Variants in TRPM6 observed in about 807,000 individuals in gnomAD.
TRPM6 encodes the protein channel kinase 2.
Under a neutral mutation model 247.6 loss-of-function variants are expected in TRPM6, and 111 were observed. That is an observed-to-expected ratio of 0.45 (90% CI 0.38 to 0.52). TRPM6 has a LOEUF of 0.52. TRPM6 is among the 20% of genes least tolerant of loss of function. The pLI, the probability that TRPM6 is intolerant of heterozygous loss-of-function variation, is 0.00. For missense variants in TRPM6, 2,126 were observed against 2,421.5 expected (o/e 0.88, Z 2.56); for synonymous variants, 892 against 853.8 (o/e 1.04, Z -0.78).
chr9:74,782,829 T>C lies in TRPM6; in HGVS notation c.2944A>G (p.Ile982Val). The change falls in exon 22 of 39, where the codon ATC (isoleucine) becomes GTC (valine). Residue 982 changes from isoleucine (I) to valine (V), a missense_variant. Ile to Val is a conservative substitution (Grantham distance 29). This residue lies in a region of TRPM6 where 1,082 missense variants were observed against 1,307.9 expected (regional missense o/e 0.83). Transcript: ENST00000360774. ...KMTANMFYIV[I>V]IMAIVLLSFG... ...CTCAGCAGGACTATGGCCATGATGA[T>C]CACAATATAGAACATGTTTGCTGTC... 5 of 1,614,122 alleles carry C rather than the reference T, an allele frequency of 3.1e-6. No homozygotes were observed. The highest frequency in any genetic ancestry group is 4.2e-6 in the Non-Finnish European group (5 of 1,180,020).
At chr9:74,771,546 AT>A (rs1827041556) in intron 25 of TRPM6, among the ~76,000 whole-genome samples, 156 bp downstream of exon 25, 1 of 152,246 alleles carries the variant, frequency 6.6e-6, no homozygotes, top group Non-Finnish European at 1.5e-5. Flanking sequence ...CTTAATAAAT[AT>A]ACTTTGATTA....
rs11144084 is a variant in TRPM6, at chr9:74,789,163, A to G, written c.2539-421T>C. On this transcript the variant is annotated intron_variant, in intron 19 of 38. Coordinates refer to ENST00000360774, the MANE Select transcript of TRPM6 (RefSeq NM_017662.5). ...AGTGGCAATAGATGCTTATTTTCAAATACAATGAACTGTGGCATTTACCAC... is the reference window on the plus strand; with the variant it reads ...AGTGGCAATAGATGCTTATTTTCAAGTACAATGAACTGTGGCATTTACCAC... Among the ~76,000 whole-genome samples, 30 of 152,326 alleles carry G rather than the reference A, an allele frequency of 2.0e-4. No individual in the cohort carries two copies. The East Asian group carries it at 5.2e-3, about 26-fold the overall frequency.
At chr9:74,887,224 T>C (rs770660304) in intron 1 of TRPM6, 1 of 1,264,360 alleles carries the variant, frequency 7.9e-7, no homozygotes, top group East Asian at 3.0e-5. Context: ...GCGGGGCGGG[T>C]GTTTACCGTA....
At chr9:74,879,626 A>T (rs1831298755) in intron 1 of TRPM6, among the ~76,000 whole-genome samples, 1 of 152,046 alleles carries the variant, frequency 6.6e-6, no homozygotes, top group Non-Finnish European at 1.5e-5. Flanking sequence ...TGGGAGAAGA[A>T]ATTTTGACAT....
intron 38 of TRPM6, among the ~76,000 whole-genome samples, chr9:74,726,656 G>T (rs954590868): frequency 1.3e-5 from 2 of 152,224 alleles, no homozygotes; most frequent in African/African-American, 4.8e-5. Flanking sequence ...TGGCTCCTTA[G>T]ATGTAGTACT....
intron 23 of TRPM6, among the ~76,000 whole-genome samples, chr9:74,782,142 C>A (rs1032154132): frequency 6.6e-6 from 1 of 152,152 alleles, no homozygotes; most frequent in African/African-American, 2.4e-5. Context: ...TAGAACAAGT[C>A]CTCCACAGAT....
In TRPM6 at chr9:74,724,665, G is replaced by A; in HGVS notation, c.6017C>T (p.Pro2006Leu). ...ATTTCTACCCGTCTCCCTTGCTGGA[G>A]GCTCCTCAGCTGATTCTATTTTTAT... The part of the protein sequence containing the change: ...LEIKIESAEE[P>L]PARETGRNSP... The change falls in exon 39 of 39, where the codon CCT (proline) becomes CTT (leucine). Residue 2006 changes from proline to leucine, a missense_variant. Physicochemically the swap from Pro to Leu is moderately conservative, Grantham distance 98. Transcript: ENST00000360774. 2 of 1,614,170 alleles carry A rather than the reference G, an allele frequency of 1.2e-6. No individual in the cohort carries two copies. Among genetic ancestry groups the A allele is most frequent in the Non-Finnish European group, 1.7e-6 (2 of 1,180,028 alleles).
At position 74,739,433 on chromosome 9, in the gene TRPM6, C is replaced by CTTTG. The variant is rs1300573245; in HGVS notation, c.5500_5503dup (p.Arg1835ThrfsTer43). ...GGTATAGATCAATTTTTGAGCAGCT[C>CTTTG]TTTGTTGTTGAATTTCCTACAAAAT... On this transcript the variant is annotated frameshift_variant, in exon 35 of 39. Coordinates refer to ENST00000360774, the MANE Select transcript of TRPM6 (RefSeq NM_017662.5). LOFTEE classifies it high-confidence loss of function. The CTTTG allele has an allele frequency of 6.2e-7, 1 of 1,613,946 alleles. No individual in the cohort carries two copies. The highest frequency in any genetic ancestry group is 8.5e-7 in the Non-Finnish European group (1 of 1,179,998).
Position 74,805,612 on chromosome 9 carries a change from C to T in TRPM6, c.1639-1726G>A, listed in dbSNP as rs376749988. 2.4e-4 allele frequency among the ~76,000 whole-genome samples: 36 copies of T among 152,180 alleles called. No homozygotes were observed. In the South Asian group the frequency reaches 3.7e-3, roughly 16 times the overall value. ...TGAATTTTTCACATTTTCACCTGGA[C>T]GAAAATTTGAAAGTTGAAGTTTAAG... is the stretch of plus-strand genomic sequence containing the variant. On this transcript the variant is annotated intron_variant, in intron 14 of 38. Coordinates refer to ENST00000360774, the MANE Select transcript of TRPM6 (RefSeq NM_017662.5).
Position 74,747,921 on chromosome 9 carries a change from GAA to G in TRPM6, c.5058-9_5058-8del. On this transcript the variant is annotated splice_region_variant and splice_polypyrimidine_tract_variant and intron_variant, in intron 30 of 38. Coordinates refer to ENST00000360774, the MANE Select transcript of TRPM6 (RefSeq NM_017662.5). The stretch of plus-strand genomic sequence containing the variant: ...TCCAATTGAACTTTTCAGCCTGTTT[GAA>G]AAAAAAATGAAGTTGTTTAGATAAT... The G allele has an allele frequency of 6.3e-7, 1 of 1,589,868 alleles. No homozygotes were observed.
rs1351753499 is a variant in TRPM6 at position 74,827,659 on chromosome 9, G to T, written c.841+119C>A. 6.8e-6 allele frequency: 7 copies of T among 1,035,694 alleles called. No homozygotes were observed. The South Asian group carries it at 8.9e-5, about 13-fold the overall frequency. The allele number at this position is 1,035,694 out of a possible 1,614,324, so 64.2% of individuals were successfully genotyped here. A position where few individuals can be genotyped will look rare whatever the true frequency, so the allele number is the denominator to read the frequency against. ...ATGTGGGAAGGGGGGTGGCTGAAGA[G>T]TATTAAGGAGGCTAGCTTGAGGGGA... On this transcript the variant is annotated intron_variant, in intron 7 of 38. Coordinates refer to ENST00000360774, the MANE Select transcript of TRPM6 (RefSeq NM_017662.5).
Position 74,724,591 on chromosome 9 carries a change from G to A in TRPM6, c.*22C>T, listed in dbSNP as rs1378648372. On this transcript the variant is annotated 3_prime_UTR_variant, in exon 39 of 39. Transcript: ENST00000360774. ...TTCCTGGCAGGCAGGGCAAGCACTG[G>A]GATCTTCTTGCTCCTCCCTTTTTAT... is the stretch of plus-strand genomic sequence containing the variant. The A allele has an allele frequency of 3.1e-6, 5 of 1,614,064 alleles. No individual in the cohort carries two copies. Among genetic ancestry groups the A allele is most frequent in the Non-Finnish European group, 4.2e-6 (5 of 1,180,012 alleles).
At chr9:74,887,367 GCGTC>G in intron 1 of TRPM6, 4 of 1,392,586 alleles carry the variant, frequency 2.9e-6, no homozygotes, top group Non-Finnish European at 3.7e-6. Context: ...CGGCTAGTCA[GCGTC>G]CGGGTCTGAG....
At chr9:74,820,167 T>A in intron 9 of TRPM6, 137 bp downstream of exon 9, 4 of 926,174 alleles carry the variant, frequency 4.3e-6, no homozygotes, top group Non-Finnish European at 5.0e-6. Flanking sequence ...CCCTCCCCCC[T>A]CCACCCTGAC....
chr9:74,863,020 T>C (rs1405478048), intron 1 of TRPM6, among the ~76,000 whole-genome samples: 2 of 151,778 alleles, frequency 1.3e-5, no homozygotes, highest in East Asian at 3.9e-4. Flanking sequence ...GAAACAAAGT[T>C]TTTTTGTTTT....
At chr9:74,828,859 C>A (rs1200020638) in intron 6 of TRPM6, among the ~76,000 whole-genome samples, 1 of 151,980 alleles carries the variant, frequency 6.6e-6, no homozygotes, top group East Asian at 1.9e-4. Context: ...CTGTGCTTAC[C>A]TTGTTTCAAA....
Position 74,872,545 on chromosome 9 carries a change from C to T in TRPM6, c.34-13797G>A, listed in dbSNP as rs1366302673. 3.3e-5 allele frequency among the ~76,000 whole-genome samples: 5 copies of T among 152,236 alleles called. No homozygotes were observed. The East Asian group carries it at 9.7e-4, about 29-fold the overall frequency. On this transcript the variant is annotated intron_variant, in intron 1 of 38. Transcript: ENST00000360774. ...CGCAATGCTCAAGCAATTCTCCTGC[C>T]TTATCCTCCCAAGTAGCTGGGACCA...
intron 16 of TRPM6, among the ~76,000 whole-genome samples, chr9:74,800,901 T>C (rs1564020912): frequency 9.1e-6 from 1 of 109,928 alleles, no homozygotes; most frequent in Non-Finnish European, 1.8e-5. Flanking sequence ...CCTAATAAAG[T>C]GTGTTTTTTT....
chr9:74,736,788 T>C (rs1402824571), intron 36 of TRPM6, among the ~76,000 whole-genome samples: 2 of 152,228 alleles, frequency 1.3e-5, no homozygotes, highest in Non-Finnish European at 2.9e-5. Flanking sequence ...TAATTCTCTT[T>C]TTCCCTCAAG....
Sources: allele counts gnomAD v4.1 joint callset (sites outside exome capture counted in the v4.1 genomes callset), GRCh38; gene constraint gnomAD v4.1.1; regional missense constraint gnomAD v4.1.1; transcripts MANE v1.5; gene names NCBI Gene and HGNC (gene_info 2026-07-23, HGNC 2026-07-21).